Variants in SRD5A3 observed in about 807,000 individuals in gnomAD.
SRD5A3 encodes polyprenal reductase.
Under a neutral mutation model 34.3 loss-of-function variants are expected in SRD5A3, and 24 were observed. That is an observed-to-expected ratio of 0.70 (90% CI 0.51 to 0.99). The LOEUF (loss-of-function observed/expected upper bound fraction) is 0.99. SRD5A3 is among the 50% of genes least tolerant of loss of function. SRD5A3 has a pLI of 0.00. For synonymous variants in SRD5A3, 161 were observed against 167.3 expected (o/e 0.96, Z 0.29); for missense variants, 350 against 388.2 (o/e 0.90, Z 0.83).
chr4:55,369,589 G>C (rs111280273), intron 4 of SRD5A3: 32 of 533,774 alleles, frequency 6.0e-5, no homozygotes, highest in African/African-American at 4.2e-4. Context: ...AAATGAGCCA[G>C]GCATGGTGAT....
At chr4:55,363,295 T>G (rs1719754379) in intron 2 of SRD5A3, among the ~76,000 whole-genome samples, 1 of 151,954 alleles carries the variant, frequency 6.6e-6, no homozygotes, top group Non-Finnish European at 1.5e-5. Context: ...ATTAGTCAGG[T>G]GTGGTGGCAC....
intron 2 of SRD5A3, among the ~76,000 whole-genome samples, chr4:55,360,921 C>T (rs1368810185): frequency 6.6e-6 from 1 of 152,022 alleles, no homozygotes; most frequent in Non-Finnish European, 1.5e-5. Context: ...AATTCCTGAC[C>T]TCAGGTGATC....
intron 4 of SRD5A3, chr4:55,369,631 T>G: frequency 9.7e-6 from 6 of 620,396 alleles, no homozygotes; most frequent in East Asian, 2.8e-5. Flanking sequence ...CTGGGCAGTT[T>G]GAGATGGGAG....
chr4:55,361,858 G>A (rs1327245318), intron 2 of SRD5A3, among the ~76,000 whole-genome samples: 1 of 152,040 alleles, frequency 6.6e-6, no homozygotes, highest in Non-Finnish European at 1.5e-5. Context: ...CTACATCAGC[G>A]GATCTCACTC....
At chr4:55,351,800 G>A (rs994754745) in intron 1 of SRD5A3, 33 of 497,084 alleles carry the variant, frequency 6.6e-5, no homozygotes, top group Non-Finnish European at 1.1e-4. Context: ...GAGGAACTGT[G>A]TCTTATGAGA....
At chr4:55,351,271 C>T (rs1719182892) in intron 1 of SRD5A3, among the ~76,000 whole-genome samples, 1 of 152,000 alleles carries the variant, frequency 6.6e-6, no homozygotes, top group Non-Finnish European at 1.5e-5. Context: ...GGAGTTTCAC[C>T]ATGTTGGCCA....
rs190014668 is a variant in SRD5A3, at chr4:55,359,516, G to T, written c.364+28G>T. 1.6e-3 allele frequency: 2,532 copies of T among 1,613,392 alleles called. 15 individuals are homozygous for T. Among genetic ancestry groups the T allele is most frequent in the South Asian group, 9.8e-3 (888 of 91,064 alleles). Reference sequence around the variant, plus strand: ...AAGGACTCCCTGGGCTTATGACAACGCTGCATCCCGTTTCTGTTGTTCCTG... The same window carrying T: ...AAGGACTCCCTGGGCTTATGACAACTCTGCATCCCGTTTCTGTTGTTCCTG... On this transcript the variant is annotated intron_variant, in intron 2 of 4. Coordinates refer to ENST00000264228, the MANE Select transcript of SRD5A3 (RefSeq NM_024592.5).
rs745931123 is a variant in SRD5A3 at position 55,369,951 on chromosome 4, C to T, written c.817C>T (p.His273Tyr). The T allele has an allele frequency of 6.2e-7, 1 of 1,614,136 alleles. No individual in the cohort carries two copies. The highest frequency in any genetic ancestry group is 8.5e-7 in the Non-Finnish European group (1 of 1,180,026). The change falls in exon 5 of 5, where the codon CAC becomes TAC. Residue 273 changes from histidine to tyrosine, a missense_variant. This residue lies in a region of SRD5A3 where 186 missense variants were observed against 221.4 expected (regional missense o/e 0.84). Coordinates refer to ENST00000264228, the MANE Select transcript of SRD5A3 (RefSeq NM_024592.5). ...TTCCATGGCCGTCACCTTTGGGTTCCACAACTTAACTTGGTGGCTAGTGGT... is the reference window on the plus strand; with the variant it reads ...TTCCATGGCCGTCACCTTTGGGTTCTACAACTTAACTTGGTGGCTAGTGGT... ...YVSMAVTFGF[H>Y]NLTWWLVVTN... is the part of the protein sequence containing the mutation.
Position 55,346,529 on chromosome 4 carries a change from G to A in SRD5A3, c.193G>A (p.Ala65Thr). Residue 65 changes from alanine (A) to threonine (T), a missense_variant, in exon 1 of 5, where the codon GCC becomes ACC. Ala to Thr is a moderately conservative substitution (Grantham distance 58). Around this residue, in one of 3 missense-constraint regions of SRD5A3, gnomAD observed 159 missense variants for 149.1 expected, o/e 1.07. Transcript: ENST00000264228. ...GTGTGGGGAGCCGTCGCGCCCCGCC[G>A]CCTGCCGAGCCTTTGATGTCCCCAA... Reference protein sequence around the residue: ...TKCGEPSRPAACRAFDVPKRY... With the variant: ...TKCGEPSRPATCRAFDVPKRY... The A allele has an allele frequency of 1.3e-6, 2 of 1,595,722 alleles. No individual in the cohort carries two copies. Among genetic ancestry groups the A allele is most frequent in the Middle Eastern group, 1.7e-4 (1 of 5,990 alleles).
chr4:55,359,580 T>C, intron 2 of SRD5A3, 92 bp downstream of exon 2: 1 of 1,543,358 alleles, frequency 6.5e-7, no homozygotes, highest in South Asian at 1.1e-5. Flanking sequence ...GTCTCCTCTC[T>C]CGGCACCTCC....
intron 1 of SRD5A3, among the ~76,000 whole-genome samples, chr4:55,355,600 T>G (rs1204231400): frequency 2.0e-5 from 3 of 152,196 alleles, no homozygotes; most frequent in African/African-American, 7.2e-5. Context: ...GCTTAGCAAC[T>G]TACACAAAAC....
In SRD5A3 at chr4:55,367,735, T is replaced by C. The variant is rs188189862; in HGVS notation, c.697+13T>C. 5.6e-6 allele frequency: 9 copies of C among 1,614,046 alleles called. No homozygotes were observed. In the Admixed American group the frequency reaches 6.7e-5, roughly 12 times the overall value. On this transcript the variant is annotated intron_variant, in intron 4 of 4. Coordinates refer to ENST00000264228, the MANE Select transcript of SRD5A3 (RefSeq NM_024592.5). ...AAAAATAAAGCAGGTGAGACCTCTT[T>C]TAGAGCCTCTGCATATGGATTTTAA...
At position 55,370,008 on chromosome 4, in the gene SRD5A3, G is replaced by A; in HGVS notation, c.874G>A (p.Ala292Thr). ...TGTCTTCTTTAATCAGGCCCTGTCT[G>A]CCTTTCTCAGCCACCAATTCTACAA... is the stretch of plus-strand genomic sequence containing the variant. The part of the protein sequence containing the change: ...TNVFFNQALS[A>T]FLSHQFYKSK... Residue 292 changes from alanine (A) to threonine (T), a missense_variant, in exon 5 of 5, where the codon GCC becomes ACC. By Grantham distance (58) the Ala-to-Thr change is moderately conservative (BLOSUM62 0). Transcript: ENST00000264228. The A allele has an allele frequency of 6.2e-7, 1 of 1,614,114 alleles. No homozygotes were observed. Among genetic ancestry groups the A allele is most frequent in the Non-Finnish European group, 8.5e-7 (1 of 1,180,022 alleles).
At chr4:55,364,326 C>T (rs1026665609) in intron 3 of SRD5A3, 55 bp downstream of exon 3, 13 of 1,580,724 alleles carry the variant, frequency 8.2e-6, no homozygotes, top group African/African-American at 4.0e-5. Context: ...ATGATGCGCT[C>T]TCGGGGCTTG....
Position 55,359,437 on chromosome 4 carries a change from C to T in SRD5A3, c.313C>T (p.Pro105Ser). ...ATCTCTGTTCCTGGGAGCACCTTTT[C>T]CAAGCTGGCTTCATGGTTTGCTCAG... ...TQSLFLGAPF[P>S]SWLHGLLRIL... Residue 105 changes from proline to serine, a missense_variant, in exon 2 of 5, where the codon CCA becomes TCA. Pro to Ser is a moderately conservative substitution (Grantham distance 74). Coordinates refer to ENST00000264228, the MANE Select transcript of SRD5A3 (RefSeq NM_024592.5). The T allele has an allele frequency of 3.1e-6, 5 of 1,614,034 alleles. No homozygotes were observed. The highest frequency in any genetic ancestry group is 4.2e-6 in the Non-Finnish European group (5 of 1,180,032).
intron 1 of SRD5A3, among the ~76,000 whole-genome samples, 197 bp downstream of exon 1, chr4:55,346,754 T>A (rs1362631772): frequency 1.3e-5 from 2 of 152,084 alleles, no homozygotes; most frequent in Non-Finnish European, 2.9e-5. Context: ...CGGGGAGCAG[T>A]GCCCGGGTGT....
chr4:55,347,072 T>A (rs1257067681), intron 1 of SRD5A3, among the ~76,000 whole-genome samples: 1 of 152,200 alleles, frequency 6.6e-6, no homozygotes, highest in Admixed American at 6.5e-5. Context: ...GACAAAGGAC[T>A]GAGTCGCCCT....
intron 1 of SRD5A3, 39 bp downstream of exon 1, chr4:55,346,596 G>T (rs1243002662): frequency 2.0e-6 from 3 of 1,524,542 alleles, no homozygotes; most frequent in African/African-American, 1.4e-5. Flanking sequence ...TGGTCAAGGC[G>T]CTGAGAGTTC....
chr4:55,359,347 T>TA lies in SRD5A3; in HGVS notation c.224dup (p.Tyr75Ter). Residue 75 changes from tyrosine (Y) to a stop codon, truncating the protein, a stop_gained and frameshift_variant and splice_region_variant, in exon 2 of 5, where the codon TAT becomes TAAT. Transcript: ENST00000264228. LOFTEE classifies it high-confidence loss of function. ...GCCTCGCTTGTTTTCCTTTTGCAGATATTTTTCCCACTTTTATATCATCTC... is the reference window on the plus strand; with the variant it reads ...GCCTCGCTTGTTTTCCTTTTGCAGATAATTTTTCCCACTTTTATATCATCTC... The part of the protein sequence containing the change: ...ACRAFDVPKR[Y>*]FSHFYIISVL... 1 of 1,614,124 alleles carries TA rather than the reference T, an allele frequency of 6.2e-7. No individual in the cohort carries two copies. The highest frequency in any genetic ancestry group is 1.1e-5 in the South Asian group (1 of 91,068).
Sources: gnomAD v4.1 joint callset for allele counts (sites outside exome capture counted in the v4.1 genomes callset) on GRCh38, gnomAD v4.1.1 for gene constraint, gnomAD v4.1.1 regional missense constraint, MANE v1.5 for transcripts, NCBI Gene and HGNC (gene_info 2026-07-23, HGNC 2026-07-21) for gene names.